The following ATP6V0A4 variants were observed in gnomAD, a reference collection of about 807,000 sequenced individuals.
The protein encoded by ATP6V0A4 is V-type proton ATPase 116 kDa subunit a 4.
A neutral mutation model predicts 107.3 loss-of-function variants in ATP6V0A4; 86 were observed. The ratio of observed to expected loss-of-function variants is 0.80; its 90% CI spans 0.67 to 0.96. The LOEUF (loss-of-function observed/expected upper bound fraction) is 0.96. Ranked by LOEUF, ATP6V0A4 falls within the 40% of genes least tolerant of loss-of-function variation. The probability of loss-of-function intolerance (pLI) is 0.00; values close to 1 mark genes in which losing one functional copy is unlikely to be tolerated. For missense variants in ATP6V0A4, 908 were observed against 1,045.6 expected, an observed-to-expected ratio of 0.87 and a Z score of 1.81; for synonymous variants, 353 against 381.4, an observed-to-expected ratio of 0.93 and a Z score of 0.87.
intron 18 of ATP6V0A4, among the ~76,000 whole-genome samples, chr7:138,726,379 G>A (rs139872578): frequency 3.3e-4 from 51 of 152,362 alleles, no homozygotes; most frequent in Admixed American, 1.5e-3. Context: ...CAAGTCAGAA[G>A]GGGAAACAGA....
chr7:138,732,690 A>C (rs1042099841), intron 17 of ATP6V0A4, among the ~76,000 whole-genome samples, 187 bp downstream of exon 17: 2 of 151,922 alleles, frequency 1.3e-5, no homozygotes, highest in African/African-American at 4.8e-5. Context: ...GCCACTCAGG[A>C]GGCTGAGTCA....
intron 14 of ATP6V0A4, 23 bp downstream of exon 14, chr7:138,745,100 A>C: frequency 1.3e-6 from 2 of 1,598,556 alleles, no homozygotes; most frequent in Non-Finnish European, 1.7e-6. Context: ...CAGCGACTAC[A>C]CCATCTCTGT....
At chr7:138,742,155 G>A (rs113888057) in intron 14 of ATP6V0A4, among the ~76,000 whole-genome samples, 11 of 152,230 alleles carry the variant, frequency 7.2e-5, no homozygotes, top group African/African-American at 1.2e-4. Context: ...GGCCGGGCAC[G>A]GTGGCTCACA....
chr7:138,778,226 A>G (rs1246031616), intron 2 of ATP6V0A4, among the ~76,000 whole-genome samples: 1 of 152,056 alleles, frequency 6.6e-6, no homozygotes, highest in Admixed American at 6.5e-5. Context: ...ATACAAAAAA[A>G]TTAGCGGGGC....
At chr7:138,789,229 T>TTTTG (rs1554403330) in intron 1 of ATP6V0A4, among the ~76,000 whole-genome samples, 6 of 151,356 alleles carry the variant, frequency 4.0e-5, no homozygotes, top group Admixed American at 1.3e-4. Flanking sequence ...GGGGTTTTTT[T>TTTTG]TTGTTGTTGT....
intron 18 of ATP6V0A4, among the ~76,000 whole-genome samples, chr7:138,724,463 TC>T (rs1804608445): frequency 6.6e-6 from 1 of 152,180 alleles, no homozygotes; most frequent in Non-Finnish European, 1.5e-5. Flanking sequence ...ACCCAGGGAC[TC>T]GTGGTGTCCA....
In ATP6V0A4 at chr7:138,734,322, T is replaced by G. The variant is rs115616210; in HGVS notation, c.1573-68A>C. The G allele has an allele frequency of 8.2e-4, 1,323 of 1,605,682 alleles. 10 individuals carry two copies. The African/African-American group carries it at 0.015, about 18-fold the overall frequency. ...TAGAAGTTCTACTGGAGTTGAGGGCTACAGCACAACTTTCCCTAAGCAAAC... is the reference window on the plus strand; with the variant it reads ...TAGAAGTTCTACTGGAGTTGAGGGCGACAGCACAACTTTCCCTAAGCAAAC... On this transcript the variant is annotated intron_variant, in intron 15 of 21. Coordinates refer to ENST00000310018, the MANE Select transcript of ATP6V0A4 (RefSeq NM_020632.3).
intron 2 of ATP6V0A4, among the ~76,000 whole-genome samples, chr7:138,784,945 C>T (rs918772938): frequency 4.6e-5 from 7 of 152,142 alleles, no homozygotes; most frequent in East Asian, 1.9e-4. Flanking sequence ...GCCTTTAAAA[C>T]GGGCATTCCT....
intron 7 of ATP6V0A4, among the ~76,000 whole-genome samples, chr7:138,761,340 AC>A (rs1412518263): frequency 4.7e-5 from 7 of 148,316 alleles, no homozygotes; most frequent in East Asian, 2.0e-4. Context: ...TCAAAAAAAA[AC>A]ACACAAATTC....
intron 20 of ATP6V0A4, among the ~76,000 whole-genome samples, chr7:138,710,252 C>T (rs908139255): frequency 4.1e-5 from 6 of 146,828 alleles, no homozygotes; most frequent in South Asian, 2.1e-4. Flanking sequence ...AGTGCAATGG[C>T]GTGATCTTGG....
At chr7:138,710,122 C>T (rs1434023037) in intron 20 of ATP6V0A4, among the ~76,000 whole-genome samples, 1 of 151,986 alleles carries the variant, frequency 6.6e-6, no homozygotes, top group Non-Finnish European at 1.5e-5. Context: ...ACCTCACAGG[C>T]TCCAGTGATC....
chr7:138,784,233 T>C (rs1483504835), intron 2 of ATP6V0A4, among the ~76,000 whole-genome samples: 33 of 43,148 alleles, frequency 7.6e-4, no homozygotes, highest in Middle Eastern at 6.3e-3. Context: ...TATATATATA[T>C]ACGTATATAT....
chr7:138,738,070 C>A (rs926360668), intron 15 of ATP6V0A4, among the ~76,000 whole-genome samples: 4 of 151,946 alleles, frequency 2.6e-5, no homozygotes, highest in African/African-American at 9.7e-5. Context: ...CCAACTCCTG[C>A]TTTTCTTTAT....
At chr7:138,709,571 C>T in intron 21 of ATP6V0A4, 53 bp downstream of exon 21, 1 of 1,573,826 alleles carries the variant, frequency 6.4e-7, no homozygotes, top group Non-Finnish European at 8.7e-7. Flanking sequence ...GGCCCCACAG[C>T]CCACTCCCTT....
intron 1 of ATP6V0A4, among the ~76,000 whole-genome samples, chr7:138,797,509 G>A (rs1320810149): frequency 6.6e-6 from 1 of 151,774 alleles, no homozygotes; most frequent in Non-Finnish European, 1.5e-5. Context: ...GAGCCCCCAT[G>A]CCCAACCTCA....
chr7:138,765,757 T>C (rs1415874333), intron 5 of ATP6V0A4, among the ~76,000 whole-genome samples: 1 of 152,098 alleles, frequency 6.6e-6, no homozygotes, highest in Admixed American at 6.6e-5. Flanking sequence ...TGTTTTTGTT[T>C]TTGTTTTTGT....
chr7:138,709,722 C>T lies in ATP6V0A4; in HGVS notation c.2331G>A (p.Gly777=). Residue 777 remains glycine (G), a synonymous_variant, in exon 21 of 22, where the codon GGG becomes GGA. Transcript: ENST00000310018. ...LQTRGWGGIV[G]VFIIFAVFAV... ...CAAATACGGCAAAAATAATAAAAACCCCGACGATTCCTCCCCAGCCTCGCG... is the reference window on the plus strand; with the variant it reads ...CAAATACGGCAAAAATAATAAAAACTCCGACGATTCCTCCCCAGCCTCGCG... The T allele has an allele frequency of 6.2e-7, 1 of 1,613,978 alleles. No homozygotes were observed. The highest frequency in any genetic ancestry group is 1.1e-5 in the South Asian group (1 of 91,080).
At chr7:138,794,028 G>A (rs905742719) in intron 1 of ATP6V0A4, among the ~76,000 whole-genome samples, 1 of 152,234 alleles carries the variant, frequency 6.6e-6, no homozygotes, top group African/African-American at 2.4e-5. Flanking sequence ...TTCCTAAAAG[G>A]GAACCTCTTG....
rs1805894300 is a variant in ATP6V0A4, at chr7:138,745,796, T to C, written c.1321-516A>G. Among the ~76,000 whole-genome samples the C allele has an allele frequency of 2.7e-5, 4 of 147,456 alleles. 1 individual carries two copies. In the Admixed American group the frequency reaches 2.8e-4, roughly 10 times the overall value. ...TGGTGAAACCCCGTCTCTACTAAAA[T>C]TAGCCAGATGTGGTGGTATGCACGT... is the stretch of plus-strand genomic sequence containing the variant. On this transcript the variant is annotated intron_variant, in intron 13 of 21. Transcript: ENST00000310018.
Sources: gnomAD v4.1 joint callset for allele counts (sites outside exome capture counted in the v4.1 genomes callset) on GRCh38, gnomAD v4.1.1 for gene constraint, MANE v1.5 for transcripts, NCBI Gene and HGNC (gene_info 2026-07-23, HGNC 2026-07-21) for gene names.